CNTLN: variants seen among roughly 807,000 people sequenced by gnomAD.
CNTLN encodes centlein.
A neutral mutation model predicts 180.0 loss-of-function variants in CNTLN; 212 were observed. The observed-to-expected ratio is 1.18, with a 90% confidence interval of 1.05 to 1.32. CNTLN has a LOEUF of 1.32. Among genes scored for constraint, CNTLN ranks in the 40% most tolerant of loss-of-function variants. CNTLN has a pLI of 0.00. For missense variants in CNTLN, 2,095 were observed against 1,610.9 expected (o/e 1.30, Z -5.14); for synonymous variants, 722 against 563.1 (o/e 1.28, Z -3.99).
the CNTLN span, among the ~76,000 whole-genome samples, chr9:17,518,749 C>G: frequency 7.2e-5 from 11 of 152,148 alleles, no homozygotes; most frequent in Non-Finnish European, 1.5e-4. Context: ...AGCTTTGAGA[C>G]ATTGTGTAAT....
chr9:17,308,454 T>C (rs1329876105), intron 7 of CNTLN, among the ~76,000 whole-genome samples: 5 of 152,104 alleles, frequency 3.3e-5, no homozygotes, highest in Admixed American at 3.3e-4. Context: ...CTGTTCCTCC[T>C]AGCAGTAGAT....
At chr9:17,219,067 T>A (rs1416397280) in intron 2 of CNTLN, among the ~76,000 whole-genome samples, 1 of 152,162 alleles carries the variant, frequency 6.6e-6, no homozygotes, top group Admixed American at 6.5e-5. Flanking sequence ...GAAAAATGAT[T>A]GGTGCTTAAA....
At chr9:17,237,398 CACACACACG>C (rs1563910361) in intron 5 of CNTLN, among the ~76,000 whole-genome samples, 17 of 144,462 alleles carry the variant, frequency 1.2e-4, no homozygotes, top group African/African-American at 4.5e-4. Flanking sequence ...CACACACACA[CACACACACG>C]GTTAGTCAAC....
chr9:17,241,831 TCTTA>T (rs1223503054), intron 5 of CNTLN, among the ~76,000 whole-genome samples: 1 of 152,212 alleles, frequency 6.6e-6, no homozygotes, highest in African/African-American at 2.4e-5. Context: ...AGGATTACTT[TCTTA>T]ATTTTTTTCA....
At chr9:17,425,080 C>A (rs942876145) in intron 18 of CNTLN, among the ~76,000 whole-genome samples, 6 of 152,014 alleles carry the variant, frequency 3.9e-5, no homozygotes, top group South Asian at 2.1e-4. Context: ...AACAGAGTAA[C>A]CTTTATCATT....
At chr9:17,352,366 G>T (rs1822434398) in intron 12 of CNTLN, among the ~76,000 whole-genome samples, 1 of 146,822 alleles carries the variant, frequency 6.8e-6, no homozygotes, top group Non-Finnish European at 1.5e-5. Flanking sequence ...TGCAAAGCAA[G>T]ACTCCCAATC....
At chr9:17,511,212 G>A in the CNTLN span, among the ~76,000 whole-genome samples, 5 of 152,292 alleles carry the variant, frequency 3.3e-5, no homozygotes, top group East Asian at 3.9e-4. Context: ...ATAAGGACAG[G>A]TTGATGGGAA....
intron 6 of CNTLN, among the ~76,000 whole-genome samples, chr9:17,280,235 G>T (rs545888248): frequency 6.6e-6 from 1 of 152,260 alleles, no homozygotes; most frequent in South Asian, 2.1e-4. Context: ...CCTTCATGAG[G>T]TGGGAAGAAG....
At chr9:17,483,381 G>A (rs1832742886) in intron 23 of CNTLN, among the ~76,000 whole-genome samples, 2 of 152,132 alleles carry the variant, frequency 1.3e-5, no homozygotes, top group Admixed American at 1.3e-4. Flanking sequence ...ATCTTGGATG[G>A]AGAACAGGGA....
At chr9:17,449,847 A>C (rs1267971277) in intron 18 of CNTLN, among the ~76,000 whole-genome samples, 1 of 152,232 alleles carries the variant, frequency 6.6e-6, no homozygotes, top group African/African-American at 2.4e-5. Context: ...TGTTAAAACT[A>C]TTCATATAAA....
chr9:17,269,021 C>G (rs990733162), intron 5 of CNTLN, among the ~76,000 whole-genome samples: 5 of 152,078 alleles, frequency 3.3e-5, no homozygotes, highest in Non-Finnish European at 7.4e-5. Flanking sequence ...CTCTGGCTAG[C>G]GCACGGTGCG....
At chr9:17,210,933 T>G (rs1298920685) in intron 2 of CNTLN, among the ~76,000 whole-genome samples, 2 of 152,218 alleles carry the variant, frequency 1.3e-5, no homozygotes, top group African/African-American at 2.4e-5. Flanking sequence ...TTGTTTGAGT[T>G]CATTGTAGAT....
chr9:17,338,337 G>GTTTTTTTTT (rs71331486), intron 10 of CNTLN, among the ~76,000 whole-genome samples: 3,866 of 100,290 alleles, frequency 0.039, 533 homozygotes, highest in African/African-American at 0.082. Context: ...GCTAATTTTT[G>GTTTTTTTTT]TTTTTTTTTT....
chr9:17,252,157 T>A (rs1291654469), intron 5 of CNTLN, among the ~76,000 whole-genome samples: 1 of 151,944 alleles, frequency 6.6e-6, no homozygotes, highest in African/African-American at 2.4e-5. Flanking sequence ...CTTAGGTTGA[T>A]GCCATATCTT....
At chr9:17,288,253 A>C (rs1159832303) in intron 6 of CNTLN, among the ~76,000 whole-genome samples, 1 of 118,608 alleles carries the variant, frequency 8.4e-6, no homozygotes, top group South Asian at 4.0e-4. Flanking sequence ...TGCTGCCTTC[A>C]TTTCATTATG....
chr9:17,426,188 G>A (rs2780197), intron 18 of CNTLN, among the ~76,000 whole-genome samples: 64,426 of 151,954 alleles, frequency 0.42, 15,900 homozygotes, highest in Non-Finnish European at 0.55. Flanking sequence ...TTTTCTGGAT[G>A]GGCCAATAGA....
At chr9:17,354,464 G>T (rs1822650407) in intron 12 of CNTLN, among the ~76,000 whole-genome samples, 1 of 152,128 alleles carries the variant, frequency 6.6e-6, no homozygotes, top group Admixed American at 6.5e-5. Context: ...TACACCAATC[G>T]GCACTCTGTA....
intron 8 of CNTLN, among the ~76,000 whole-genome samples, chr9:17,316,591 C>T (rs1819552770): frequency 6.6e-6 from 1 of 151,974 alleles, no homozygotes; most frequent in Admixed American, 6.6e-5. Context: ...ATTGCTTTCA[C>T]ACCATTGTAA....
At chr9:17,197,768 G>C (rs539747995) in intron 2 of CNTLN, among the ~76,000 whole-genome samples, 1 of 152,166 alleles carries the variant, frequency 6.6e-6, no homozygotes, top group East Asian at 1.9e-4. Context: ...TTTTTGCTTT[G>C]GTTGCCTGTG....
Sources: allele counts gnomAD v4.1 joint callset (sites outside exome capture counted in the v4.1 genomes callset), GRCh38; gene constraint gnomAD v4.1.1; transcripts MANE v1.5; gene names NCBI Gene and HGNC (gene_info 2026-07-23, HGNC 2026-07-21).